Variants in ESRRG observed in about 807,000 individuals in gnomAD.
ESRRG encodes estrogen-related receptor gamma.
A neutral mutation model predicts 44.0 loss-of-function variants in ESRRG; 13 were observed. The ratio of observed to expected loss-of-function variants is 0.30; its 90% CI spans 0.19 to 0.47. The LOEUF is 0.47. Ranked by LOEUF, ESRRG falls within the 20% of genes least tolerant of loss-of-function variation. ESRRG has a pLI of 1.00. For synonymous variants in ESRRG, 215 were observed against 214.6 expected, an observed-to-expected ratio of 1.00 and a Z score of -0.02; for missense variants, 395 against 580.6, an observed-to-expected ratio of 0.68 and a Z score of 3.29.
At chr1:216,805,587 A>C (rs866712592) in intron 2 of ESRRG, among the ~76,000 whole-genome samples, 2 of 152,158 alleles carry the variant, frequency 1.3e-5, no homozygotes, top group African/African-American at 4.8e-5. Context: ...CACACTGTCC[A>C]ATTTGGTCAA....
chr1:216,760,345 T>C (rs1302380015), intron 2 of ESRRG, among the ~76,000 whole-genome samples: 1 of 151,656 alleles, frequency 6.6e-6, no homozygotes, highest in Non-Finnish European at 1.5e-5. Flanking sequence ...GAGAATAATA[T>C]AAGAATATAA....
At chr1:216,816,199 T>C (rs1380043218) in intron 2 of ESRRG, among the ~76,000 whole-genome samples, 1 of 152,054 alleles carries the variant, frequency 6.6e-6, no homozygotes, top group Non-Finnish European at 1.5e-5. Context: ...CATCCTGGAG[T>C]ACTGTATGGA....
chr1:216,792,450 T>A (rs2094347580), intron 2 of ESRRG, among the ~76,000 whole-genome samples: 1 of 152,128 alleles, frequency 6.6e-6, no homozygotes, highest in Non-Finnish European at 1.5e-5. Flanking sequence ...GATGCTTAGA[T>A]ACTTACAGCC....
At chr1:216,897,367 C>G (rs529566070) in intron 2 of ESRRG, among the ~76,000 whole-genome samples, 1 of 152,118 alleles carries the variant, frequency 6.6e-6, no homozygotes, top group African/African-American at 2.4e-5. Context: ...GATTCAGAGT[C>G]CTGAGCCACC....
At position 216,645,871 on chromosome 1, in the gene ESRRG, CAAA is replaced by C. The variant is rs776262531; in HGVS notation, c.589+5099_589+5101del. The stretch of plus-strand genomic sequence containing the variant: ...TAGGGGACAGAGCCAGACCCCTTCT[CAAA>C]AAAAAAAAAAAAAAAAAAAATGCCC... On this transcript the variant is annotated intron_variant, in intron 3 of 6. Transcript: ENST00000408911. 5.9e-3 allele frequency among the ~76,000 whole-genome samples: 534 copies of C among 91,188 alleles called. 9 individuals are homozygous for C. The highest frequency in any genetic ancestry group is 0.037 in the Admixed American group (281 of 7,636). 59.8% of individuals were successfully genotyped at this position (91,188 alleles called of 152,430 possible). A position where few individuals can be genotyped will look rare whatever the true frequency, so the allele number is the denominator to read the frequency against.
intron 1 of ESRRG, among the ~76,000 whole-genome samples, chr1:217,095,042 GTA>G (rs2092402703): frequency 9.5e-6 from 1 of 105,328 alleles, no homozygotes; most frequent in Non-Finnish European, 1.9e-5. Context: ...GTGTGTGTGT[GTA>G]TGTGTGTGTA....
intron 1 of ESRRG, among the ~76,000 whole-genome samples, chr1:216,978,993 T>A (rs1163533973): frequency 6.6e-6 from 1 of 152,168 alleles, no homozygotes; most frequent in East Asian, 1.9e-4. Context: ...ACTCACTTAA[T>A]CTAAACAGTT....
intron 2 of ESRRG, among the ~76,000 whole-genome samples, chr1:216,849,553 C>T (rs1164418938): frequency 3.9e-4 from 60 of 152,002 alleles, no homozygotes; most frequent in Admixed American, 3.9e-3. Flanking sequence ...CAGAAATGCC[C>T]TTGTTAGGTA....
chr1:216,926,108 G>A (rs950651542), intron 2 of ESRRG, among the ~76,000 whole-genome samples: 2 of 152,186 alleles, frequency 1.3e-5, no homozygotes, highest in African/African-American at 4.8e-5. Flanking sequence ...TGGGATGGAT[G>A]GACCAGTGTT....
At chr1:216,566,253 C>T (rs1401422327) in intron 4 of ESRRG, among the ~76,000 whole-genome samples, 1 of 152,188 alleles carries the variant, frequency 6.6e-6, no homozygotes, top group Non-Finnish European at 1.5e-5. Flanking sequence ...AGCTCAGGCA[C>T]AGTCTCTTGA....
At chr1:216,692,777 CT>C in intron 1 of ESRRG, among the ~76,000 whole-genome samples, 1 of 152,216 alleles carries the variant, frequency 6.6e-6, no homozygotes, top group Non-Finnish European at 1.5e-5. Context: ...TTTACTGTAC[CT>C]TATGTAGATA....
intron 2 of ESRRG, among the ~76,000 whole-genome samples, chr1:216,801,044 A>G (rs1318308803): frequency 6.6e-6 from 1 of 152,166 alleles, no homozygotes; most frequent in East Asian, 1.9e-4. Context: ...CATATAGTGA[A>G]ATGGTTACCA....
At chr1:217,062,993 C>A (rs1296228015) in intron 1 of ESRRG, among the ~76,000 whole-genome samples, 3 of 152,138 alleles carry the variant, frequency 2.0e-5, no homozygotes, top group Non-Finnish European at 4.4e-5. Context: ...ATGTGACCAG[C>A]TGTTTTCTAT....
intron 3 of ESRRG, 47 bp downstream of exon 3, chr1:216,650,926 C>A (rs768973514): frequency 1.1e-5 from 14 of 1,250,516 alleles, no homozygotes; most frequent in Non-Finnish European, 1.5e-5. Context: ...TGCCTCCCAT[C>A]CCCACAGCAA....
chr1:216,917,160 T>TC (rs1456782234), intron 2 of ESRRG, among the ~76,000 whole-genome samples: 1 of 142,954 alleles, frequency 7.0e-6, no homozygotes, highest in Non-Finnish European at 1.5e-5. Flanking sequence ...TAGACTTTCT[T>TC]TTTTTTTTTT....
At chr1:217,035,236 A>G (rs1167455480) in intron 1 of ESRRG, among the ~76,000 whole-genome samples, 2 of 147,374 alleles carry the variant, frequency 1.4e-5, no homozygotes, top group African/African-American at 5.0e-5. Flanking sequence ...CTGAAATCCC[A>G]GTGCTTTGGG....
chr1:216,596,501 T>C (rs1038608660), intron 3 of ESRRG, among the ~76,000 whole-genome samples: 35 of 152,220 alleles, frequency 2.3e-4, no homozygotes, highest in African/African-American at 8.0e-4. Context: ...GCTTCACTTT[T>C]ATTTTACAAT....
chr1:216,923,266 T>C (rs374053501), intron 2 of ESRRG, among the ~76,000 whole-genome samples: 5 of 152,230 alleles, frequency 3.3e-5, no homozygotes, highest in African/African-American at 9.6e-5. Flanking sequence ...AGTGCCATTC[T>C]TAACACTAAA....
At chr1:216,859,552 A>G (rs2096012867) in intron 2 of ESRRG, among the ~76,000 whole-genome samples, 1 of 152,240 alleles carries the variant, frequency 6.6e-6, no homozygotes, top group African/African-American at 2.4e-5. Flanking sequence ...ATCATTAAAA[A>G]GTTTAGAGGT....
Sources: allele counts gnomAD v4.1 joint callset (sites outside exome capture counted in the v4.1 genomes callset), GRCh38; gene constraint gnomAD v4.1.1; transcripts MANE v1.5; gene names NCBI Gene and HGNC (gene_info 2026-07-23, HGNC 2026-07-21).